CHD2: variants seen among roughly 807,000 people sequenced by gnomAD.
CHD2 encodes the protein ATP-dependent chromatin remodeler CHD2.
CHD2 carries 28 observed loss-of-function variants against 243.9 expected under a neutral mutation model. The observed-to-expected ratio is 0.11, with a 90% confidence interval of 0.09 to 0.16. The LOEUF (loss-of-function observed/expected upper bound fraction) is 0.16. Ranked by LOEUF, CHD2 falls within the 10% of genes least tolerant of loss-of-function variation. The probability of loss-of-function intolerance (pLI) is 1.00; values close to 1 mark genes in which losing one functional copy is unlikely to be tolerated. For synonymous variants in CHD2, 775 were observed against 779.0 expected (o/e 0.99, Z 0.09); for missense variants, 1,386 against 2,209.8 (o/e 0.63, Z 7.47).
In CHD2 at chr15:92,967,472, T is replaced by C; in HGVS notation, c.2148T>C (p.Ile716=). Residue 716 remains isoleucine, a synonymous_variant, in exon 17 of 39, where the codon ATT becomes ATC. Transcript: ENST00000394196. ...EKSLPAKVEQ[I]LRVEMSALQK... ...CCCTTCCTGCTAAAGTGGAACAGATTCTCAGGGTGGAGATGTCAGCCCTTC... is the reference window on the plus strand; with the variant it reads ...CCCTTCCTGCTAAAGTGGAACAGATCCTCAGGGTGGAGATGTCAGCCCTTC... 6.2e-6 allele frequency: 10 copies of C among 1,614,000 alleles called. No homozygotes were observed. The highest frequency in any genetic ancestry group is 8.5e-6 in the Non-Finnish European group (10 of 1,179,946).
chr15:92,948,707 C>T (rs772168475), intron 12 of CHD2, among the ~76,000 whole-genome samples: 16 of 151,958 alleles, frequency 1.1e-4, no homozygotes, highest in Non-Finnish European at 1.6e-4. Context: ...TGGTGGCGGG[C>T]GCCTGTATGT....
rs776934265 is a variant in CHD2, at chr15:92,939,595, G to A, written c.569G>A (p.Arg190His). 1.1e-5 allele frequency: 18 copies of A among 1,613,916 alleles called. No individual in the cohort carries two copies. Among genetic ancestry groups the A allele is most frequent in the African/African-American group, 4.0e-5 (3 of 75,006 alleles). The change falls in exon 7 of 39, where the codon CGT becomes CAT. Residue 190 changes from arginine (R) to histidine (H), a missense_variant. Arg to His is a conservative substitution (Grantham distance 29, BLOSUM62 0). This residue lies in a region of CHD2 where 90 missense variants were observed against 78.0 expected (regional missense o/e 1.15). Transcript: ENST00000394196. ...PVPRRTVPKPRVKKQPKTQRG... is the reference protein window; with the variant it reads ...PVPRRTVPKPHVKKQPKTQRG... The stretch of plus-strand genomic sequence containing the variant: ...CATTTTAGAACAGTGCCCAAACCTC[G>A]TGTTAAAAAGCAGCCGAAGACTCAG...
At chr15:92,964,623 C>CT (rs1281300777) in intron 16 of CHD2, among the ~76,000 whole-genome samples, 2 of 152,222 alleles carry the variant, frequency 1.3e-5, no homozygotes, top group Non-Finnish European at 2.9e-5. Flanking sequence ...AGTATAGAGT[C>CT]TAAGTGCCTT....
intron 26 of CHD2, among the ~76,000 whole-genome samples, chr15:92,987,380 T>TA (rs1266815423): frequency 6.6e-6 from 1 of 152,082 alleles, no homozygotes; most frequent in Non-Finnish European, 1.5e-5. Context: ...GGCAGATCGC[T>TA]GGAGCCTAGG....
At chr15:92,941,684 A>G (rs2053385098) in intron 7 of CHD2, 138 bp from the exon 8 acceptor site, 1 of 786,852 alleles carries the variant, frequency 1.3e-6, no homozygotes, top group African/African-American at 1.8e-5. Flanking sequence ...CTTTGAGCCT[A>G]CTGTAAATGG....
rs2054266896 is a variant in CHD2 at position 93,002,269 on chromosome 15, C to A, written c.4230C>A (p.Asp1410Glu). 1 of 1,595,168 alleles carries A rather than the reference C, an allele frequency of 6.3e-7. No homozygotes were observed. The highest frequency in any genetic ancestry group is 8.5e-7 in the Non-Finnish European group (1 of 1,171,090). The change falls in exon 33 of 39, where the codon GAC (aspartate) becomes GAA (glutamate). Residue 1410 changes from aspartate (D) to glutamate (E), a missense_variant. Physicochemically the swap from Asp to Glu is conservative, Grantham distance 45. Transcript: ENST00000394196. ...AGAAACAAATGAGTTCTAGGAAAGA[C>A]AAAGAAGGGGACAAGGAAAGAAAGA... ...NKEKQMSSRK[D>E]KEGDKERKKS...
chr15:92,995,488 G>A (rs1028255292), intron 28 of CHD2, among the ~76,000 whole-genome samples: 7 of 118,792 alleles, frequency 5.9e-5, no homozygotes, highest in African/African-American at 1.0e-4. Context: ...TTAAGTGTGT[G>A]TGCGTGTGTA....
rs3064790 is a variant in CHD2 at position 92,961,876 on chromosome 15, C to CTTT, written c.2000+5248_2000+5250dup. ...GGTTTCTTCCTCTGTTTTTTCTTCT[C>CTTT]TTTTTTTTTTTTTTTTTTTTTTTGA... On this transcript the variant is annotated intron_variant, in intron 16 of 38. Transcript: ENST00000394196. 5.7e-3 allele frequency among the ~76,000 whole-genome samples: 451 copies of CTTT among 78,568 alleles called. 12 individuals carry two copies. The highest frequency in any genetic ancestry group is 0.02 in the African/African-American group (414 of 20,664). The allele number at this position is 78,568 out of a possible 152,430, so 51.5% of individuals were successfully genotyped here.
At position 92,956,563 on chromosome 15, in the gene CHD2, C is replaced by T. The variant is rs1304257967; in HGVS notation, c.1914C>T (p.Ser638=). 6.8e-6 allele frequency: 11 copies of T among 1,613,984 alleles called. No individual in the cohort carries two copies. Among genetic ancestry groups the T allele is most frequent in the Non-Finnish European group, 8.5e-6 (10 of 1,179,894 alleles). The change falls in exon 16 of 39, where the codon TCC becomes TCT. Residue 638 remains serine (S), a synonymous_variant. Coordinates refer to ENST00000394196, the MANE Select transcript of CHD2 (RefSeq NM_001271.4). ...ATAAAACTCTGATTGATTTCAAGTC[C>T]AACCATAGGCTCCTGATTACGGGGA... ...LLYKTLIDFK[S]NHRLLITGTP... is the part of the protein sequence containing the mutation.
At chr15:92,963,856 G>C (rs949573069) in intron 16 of CHD2, among the ~76,000 whole-genome samples, 1 of 152,224 alleles carries the variant, frequency 6.6e-6, no homozygotes, top group Non-Finnish European at 1.5e-5. Context: ...ACCCTACGTA[G>C]TAAGAGTTAT....
At position 92,901,215 on chromosome 15, in the gene CHD2, C is replaced by A. The variant is rs759731184; in HGVS notation, c.-23C>A. 1 of 1,473,070 alleles carries A rather than the reference C, an allele frequency of 6.8e-7. No homozygotes were observed. Among genetic ancestry groups the A allele is most frequent in the Admixed American group, 1.7e-5 (1 of 58,952 alleles). The allele number at this position is 1,473,070 out of a possible 1,614,324, so 91.2% of individuals were successfully genotyped here. On this transcript the variant is annotated 5_prime_UTR_variant, in exon 2 of 39. Transcript: ENST00000394196. Reference sequence around the variant, plus strand: ...AAAGCAAACACAGATTCCCCCTCCCCCTTAATATTTAAGAATTAAAAGATG... The same window carrying A: ...AAAGCAAACACAGATTCCCCCTCCCACTTAATATTTAAGAATTAAAAGATG...
intron 3 of CHD2, 142 bp from the exon 4 acceptor site, chr15:92,927,102 G>A (rs913114946): frequency 1.8e-5 from 11 of 609,044 alleles, no homozygotes; most frequent in South Asian, 8.6e-5. Context: ...AAAAAATGGC[G>A]CTTTATTGTC....
At position 92,996,730 on chromosome 15, in the gene CHD2, C is replaced by G. The variant is rs149139380; in HGVS notation, c.3596-227C>G. Among the ~76,000 whole-genome samples the G allele has an allele frequency of 4.3e-3, 653 of 152,158 alleles. 5 individuals are homozygous for G. Among genetic ancestry groups the G allele is most frequent in the African/African-American group, 0.015 (615 of 41,506 alleles). ...AGGAAGATTAAAATACAACTATAAA[C>G]ATCAGTGAATTAAAAAAGAATTCCA... On this transcript the variant is annotated intron_variant, in intron 28 of 38. Coordinates refer to ENST00000394196, the MANE Select transcript of CHD2 (RefSeq NM_001271.4).
chr15:92,981,270 C>T lies in CHD2; in HGVS notation c.2974-95C>T, dbSNP rs1003146005. 4.9e-6 allele frequency: 4 copies of T among 812,242 alleles called. No individual in the cohort carries two copies. In the African/African-American group the frequency reaches 5.1e-5, roughly 10 times the overall value. 50.3% of individuals were successfully genotyped at this position (812,242 alleles called of 1,614,324 possible). On this transcript the variant is annotated intron_variant, in intron 23 of 38. Coordinates refer to ENST00000394196, the MANE Select transcript of CHD2 (RefSeq NM_001271.4). Reference sequence around the variant, plus strand: ...AGAAAGGAGAATTGGTTTATTTGCACCAAACATTTTTAGTAAATACGAATA... The same window carrying T: ...AGAAAGGAGAATTGGTTTATTTGCATCAAACATTTTTAGTAAATACGAATA...
At chr15:92,952,018 C>T (rs561831957) in intron 13 of CHD2, among the ~76,000 whole-genome samples, 44 of 152,246 alleles carry the variant, frequency 2.9e-4, no homozygotes, top group African/African-American at 1.0e-3. Context: ...ATTATATATA[C>T]GTGCAAACTT....
At chr15:93,011,203 G>A (rs1335273204) in intron 35 of CHD2, among the ~76,000 whole-genome samples, 1 of 151,952 alleles carries the variant, frequency 6.6e-6, no homozygotes, top group African/African-American at 2.4e-5. Flanking sequence ...TAAGGTCCTC[G>A]CCCTTTACAA....
At chr15:92,909,238 ACT>A (rs1425495759) in intron 2 of CHD2, among the ~76,000 whole-genome samples, 1 of 151,640 alleles carries the variant, frequency 6.6e-6, no homozygotes, top group Non-Finnish European at 1.5e-5. Context: ...TCCTTAGTGT[ACT>A]CTCCTTACAT....
In CHD2 at chr15:92,926,766, G is replaced by A. The variant is rs142654680; in HGVS notation, c.295-478G>A. ...GCAATGCCTCATCTGCGTTTATCTG[G>A]GATGTTACATGACCTGAGGAACTTA... On this transcript the variant is annotated intron_variant, in intron 3 of 38. Transcript: ENST00000394196. 8.0e-3 allele frequency among the ~76,000 whole-genome samples: 1,225 copies of A among 152,254 alleles called. 54 individuals are homozygous for A. Among genetic ancestry groups the A allele is most frequent in the Admixed American group, 0.069 (1,049 of 15,282 alleles).
In CHD2 at chr15:92,939,713, C is replaced by A; in HGVS notation, c.687C>A (p.Asn229Lys). 1 of 1,613,204 alleles carries A rather than the reference C, an allele frequency of 6.2e-7. No individual in the cohort carries two copies. The highest frequency in any genetic ancestry group is 8.5e-7 in the Non-Finnish European group (1 of 1,179,832). ...AGACTCGTCGAAGAGCGGCTAAAAA[C>A]GTTAGGTAAGTTGTACCCCAGAAGT... ...KRQTRRRAAK[N>K]VSYKEDDDFE... The change falls in exon 7 of 39, where the codon AAC becomes AAA. Residue 229 changes from asparagine (N) to lysine (K), a missense_variant. Asn to Lys is a moderately conservative substitution (Grantham distance 94, BLOSUM62 0). Coordinates refer to ENST00000394196, the MANE Select transcript of CHD2 (RefSeq NM_001271.4).
Sources: gnomAD v4.1 joint callset for allele counts (sites outside exome capture counted in the v4.1 genomes callset) on GRCh38, gnomAD v4.1.1 for gene constraint, gnomAD v4.1.1 regional missense constraint, MANE v1.5 for transcripts, NCBI Gene and HGNC (gene_info 2026-07-23, HGNC 2026-07-21) for gene names.